Variants in FGF12 observed in about 807,000 individuals in gnomAD.
FGF12 encodes the protein fibroblast growth factor 12.
FGF12 carries 14 observed loss-of-function variants against 23.6 expected under a neutral mutation model. The observed-to-expected ratio is 0.59, with a 90% confidence interval of 0.39 to 0.93. The LOEUF (loss-of-function observed/expected upper bound fraction) is 0.93, where lower values mean the gene tolerates loss of function less well. FGF12 is among the 40% of genes least tolerant of loss of function. FGF12 has a pLI of 0.00. For missense variants in FGF12, 175 were observed against 217.8 expected, an observed-to-expected ratio of 0.80 and a Z score of 1.24; for synonymous variants, 62 against 77.3, an observed-to-expected ratio of 0.80 and a Z score of 1.04.
chr3:192,368,780 G>C (rs775725522), intron 2 of FGF12, among the ~76,000 whole-genome samples: 2 of 152,020 alleles, frequency 1.3e-5, no homozygotes, highest in African/African-American at 2.4e-5. Flanking sequence ...GTAAGTAGTT[G>C]CAACAGATAC....
intron 2 of FGF12, among the ~76,000 whole-genome samples, chr3:192,506,347 CTTTT>C (rs1228018542): frequency 6.6e-6 from 1 of 152,118 alleles, no homozygotes; most frequent in Admixed American, 6.6e-5. Context: ...ATAGTTTATT[CTTTT>C]TTTGTTTTTT....
Position 192,514,953 on chromosome 3 carries a change from G to C in FGF12, c.14-154415C>G. 2 of 823,764 alleles carry C rather than the reference G, an allele frequency of 2.4e-6. No individual in the cohort carries two copies. The highest frequency in any genetic ancestry group is 2.9e-6 in the Non-Finnish European group (2 of 682,294). The allele number at this position is 823,764 out of a possible 1,614,324, so 51.0% of individuals were successfully genotyped here. On this transcript the variant is annotated intron_variant, in intron 2 of 5. Transcript: ENST00000445105. The surrounding 1 kb of genome is among the most constrained non-coding windows in gnomAD (Gnocchi z 4.9). ...CGGGACGCGGAAGTGCCGGTCCGCC[G>C]GGGGCAGCCCTCCGAGAGCCCGAGG...
chr3:192,664,603 T>TAAAAA (rs1716791882), intron 2 of FGF12, among the ~76,000 whole-genome samples: 1 of 112,832 alleles, frequency 8.9e-6, no homozygotes, highest in Non-Finnish European at 1.8e-5. Flanking sequence ...ACAAAAAAAA[T>TAAAAA]ACAAAAAAAA....
intron 2 of FGF12, among the ~76,000 whole-genome samples, chr3:192,435,416 G>A (rs897799442): frequency 6.6e-6 from 1 of 152,140 alleles, no homozygotes; most frequent in African/African-American, 2.4e-5. Flanking sequence ...AAAGAGCCTG[G>A]CCATCTGGCT....
intron 2 of FGF12, among the ~76,000 whole-genome samples, chr3:192,511,684 T>C (rs904907826): frequency 3.9e-5 from 6 of 152,110 alleles, no homozygotes; most frequent in Non-Finnish European, 5.9e-5. Flanking sequence ...ATTTAATGGA[T>C]GGGTTTTACA....
Position 192,686,119 on chromosome 3 carries a change from G to A in FGF12, c.13+41062C>T, listed in dbSNP as rs1717723241. On this transcript the variant is annotated intron_variant, in intron 2 of 5. Coordinates refer to ENST00000445105, the MANE Select transcript of FGF12 (RefSeq NM_004113.6). Reference sequence around the variant, plus strand: ...TTTCGTATTCATATAGGATAGATGTGAGCATGTCGATTAGCTGAGAAGTCA... The same window carrying A: ...TTTCGTATTCATATAGGATAGATGTAAGCATGTCGATTAGCTGAGAAGTCA... Among the ~76,000 whole-genome samples, 3 of 152,180 alleles carry A rather than the reference G, an allele frequency of 2.0e-5. No individual in the cohort carries two copies. The South Asian group carries it at 6.2e-4, about 32-fold the overall frequency.
chr3:192,555,920 A>G (rs1276452017), intron 2 of FGF12, among the ~76,000 whole-genome samples: 1 of 152,208 alleles, frequency 6.6e-6, no homozygotes, highest in African/African-American at 2.4e-5. Flanking sequence ...TTTGTGTACA[A>G]TTGAAATTAT....
chr3:192,226,924 T>TA (rs58887903), intron 4 of FGF12, among the ~76,000 whole-genome samples: 68,197 of 151,282 alleles, frequency 0.45, 16,425 homozygotes, highest in East Asian at 0.98. Context: ...GTGTGTCAAT[T>TA]AAAAAAAATG....
At chr3:192,200,315 C>A (rs574095098) in intron 4 of FGF12, among the ~76,000 whole-genome samples, 33 of 151,114 alleles carry the variant, frequency 2.2e-4, no homozygotes, top group Admixed American at 1.8e-3. Flanking sequence ...GGTGACAGAG[C>A]AAGAGTCCAT....
At chr3:192,212,627 C>T (rs1225650853) in intron 4 of FGF12, among the ~76,000 whole-genome samples, 1 of 152,148 alleles carries the variant, frequency 6.6e-6, no homozygotes, top group East Asian at 1.9e-4. Context: ...TACCATTAAA[C>T]TCAAAGGTCA....
intron 4 of FGF12, among the ~76,000 whole-genome samples, chr3:192,326,257 G>C (rs1435095680): frequency 1.3e-5 from 2 of 152,150 alleles, no homozygotes; most frequent in African/African-American, 4.8e-5. Flanking sequence ...ATAAAATGTG[G>C]AAGTTATTTG....
At chr3:192,604,007 C>T (rs1221258104) in intron 2 of FGF12, among the ~76,000 whole-genome samples, 1 of 152,046 alleles carries the variant, frequency 6.6e-6, no homozygotes, top group Non-Finnish European at 1.5e-5. Flanking sequence ...TATAGACCTC[C>T]CCCCAGGAAT....
chr3:192,308,628 C>T (rs1055285597), intron 4 of FGF12, among the ~76,000 whole-genome samples: 18 of 151,124 alleles, frequency 1.2e-4, no homozygotes, highest in African/African-American at 3.6e-4. Context: ...TGCAGTGAGC[C>T]GAGATTGCAC....
At chr3:192,394,398 A>G (rs1210290182) in intron 2 of FGF12, among the ~76,000 whole-genome samples, 3 of 152,214 alleles carry the variant, frequency 2.0e-5, no homozygotes, top group Non-Finnish European at 4.4e-5. Flanking sequence ...AATTTGTGAT[A>G]TTCCATTTAA....
At chr3:192,629,188 G>T (rs1055917096) in intron 2 of FGF12, among the ~76,000 whole-genome samples, 1 of 152,194 alleles carries the variant, frequency 6.6e-6, no homozygotes, top group African/African-American at 2.4e-5. Flanking sequence ...AGTAGGAAAT[G>T]CTATTTTTGG....
intron 2 of FGF12, among the ~76,000 whole-genome samples, chr3:192,372,403 A>T (rs188067388): frequency 2.4e-4 from 37 of 152,100 alleles, no homozygotes; most frequent in African/African-American, 6.0e-4. Context: ...ACACACACAC[A>T]CACACACACA....
chr3:192,486,272 G>A (rs1723629928), intron 2 of FGF12, among the ~76,000 whole-genome samples: 2 of 152,088 alleles, frequency 1.3e-5, no homozygotes, highest in Non-Finnish European at 1.5e-5. Flanking sequence ...ACACTCAAAT[G>A]AGTGAGACAG....
At chr3:192,582,730 G>C (rs1000896966) in intron 2 of FGF12, among the ~76,000 whole-genome samples, 24 of 152,030 alleles carry the variant, frequency 1.6e-4, no homozygotes, top group African/African-American at 5.5e-4. Flanking sequence ...TATGAACATA[G>C]ATATAAAGGT....
At chr3:192,674,470 C>A (rs956981096) in intron 2 of FGF12, among the ~76,000 whole-genome samples, 13 of 152,168 alleles carry the variant, frequency 8.5e-5, no homozygotes, top group African/African-American at 3.1e-4. Context: ...TAGAGACCTG[C>A]ATAAGGCCCA....
Sources: allele counts gnomAD v4.1 joint callset (sites outside exome capture counted in the v4.1 genomes callset), GRCh38; gene constraint gnomAD v4.1.1; non-coding constraint Gnocchi (gnomAD v3.1); transcripts MANE v1.5; gene names NCBI Gene and HGNC (gene_info 2026-07-23, HGNC 2026-07-21).